The following KCNH3 variants were observed in gnomAD, a reference collection of about 807,000 sequenced individuals.
The protein encoded by KCNH3 is voltage-gated inwardly rectifying potassium channel KCNH3.
KCNH3 carries 36 observed loss-of-function variants against 95.6 expected under a neutral mutation model. The observed-to-expected ratio is 0.38, with a 90% CI of 0.29 to 0.50. The LOEUF is 0.50. KCNH3 is among the 20% of genes least tolerant of loss of function. The probability of loss-of-function intolerance (pLI) is 0.95; values close to 1 mark genes in which losing one functional copy is unlikely to be tolerated. For synonymous variants in KCNH3, 620 were observed against 646.3 expected (o/e 0.96, Z 0.62); for missense variants, 1,030 against 1,484.1 (o/e 0.69, Z 5.03).
chr12:49,556,167 G>C (rs1161500432), intron 12 of KCNH3: 3 of 599,152 alleles, frequency 5.0e-6, no homozygotes, highest in Admixed American at 3.0e-5. Flanking sequence ...CTGAACTCTT[G>C]CATCTCATGC....
chr12:49,541,809 G>GC, intron 3 of KCNH3, 45 bp downstream of exon 3: 1 of 1,605,956 alleles, frequency 6.2e-7, no homozygotes, highest in South Asian at 1.1e-5. Context: ...GGTGCCGCAG[G>GC]CCCGGGCGGG....
rs190279071 is a variant in KCNH3, at chr12:49,557,936, G to A, written c.3235G>A (p.Glu1079Lys). ...TGGCACAGTCCAGTGGACCCAGGAA[G>A]AAGGCACAGGGGTCTGAGTACCAGC... ...GSGTVQWTQE[E>K]GTGV Residue 1079 changes from glutamate to lysine, a missense_variant, in exon 15 of 15, where the codon GAA (glutamate) becomes AAA (lysine). This residue lies in a region of KCNH3 where 464 missense variants were observed against 493.2 expected (regional missense o/e 0.94). Coordinates refer to ENST00000257981, the MANE Select transcript of KCNH3 (RefSeq NM_012284.3). 128 of 1,507,506 alleles carry A rather than the reference G, an allele frequency of 8.5e-5. No homozygotes were observed. The highest frequency in any genetic ancestry group is 1.1e-4 in the Non-Finnish European group (125 of 1,128,020). 93.4% of individuals were successfully genotyped at this position (1,507,506 alleles called of 1,614,324 possible).
chr12:49,554,161 G>A (rs1041509130), intron 10 of KCNH3, among the ~76,000 whole-genome samples, 176 bp from the exon 11 acceptor site: 2 of 152,226 alleles, frequency 1.3e-5, no homozygotes, highest in Non-Finnish European at 2.9e-5. Flanking sequence ...AGTGAGACAG[G>A]CTGCAGGCGT....
rs371069327 is a variant in KCNH3, at chr12:49,557,441, A to G, written c.2740A>G (p.Arg914Gly). ...QAVQLVLAPH[R>G]EGPCPRASGE... ...TGTGCAGCTTGTCCTGGCGCCCCACAGGGAGGGTCCGTGCCCTCGGGCATC... is the reference window on the plus strand; with the variant it reads ...TGTGCAGCTTGTCCTGGCGCCCCACGGGGAGGGTCCGTGCCCTCGGGCATC... Residue 914 changes from arginine (R) to glycine (G), a missense_variant, in exon 15 of 15, where the codon AGG (arginine) becomes GGG (glycine). Transcript: ENST00000257981. 1.2e-5 allele frequency: 20 copies of G among 1,608,300 alleles called. 1 individual carries two copies.
intron 10 of KCNH3, among the ~76,000 whole-genome samples, chr12:49,552,805 G>A (rs1471540931): frequency 6.6e-6 from 1 of 152,102 alleles, no homozygotes; most frequent in Non-Finnish European, 1.5e-5. Flanking sequence ...TTCAGATGAC[G>A]CCAATGAAAA....
chr12:49,552,509 G>A (rs758610989), intron 10 of KCNH3, among the ~76,000 whole-genome samples: 3 of 152,154 alleles, frequency 2.0e-5, no homozygotes, highest in East Asian at 1.9e-4. Context: ...AATCATGGTC[G>A]GGTTCTCTGC....
intron 7 of KCNH3, among the ~76,000 whole-genome samples, chr12:49,546,629 C>CA (rs1026807280): frequency 6.6e-6 from 1 of 152,212 alleles, no homozygotes; most frequent in African/African-American, 2.4e-5. Context: ...GGAGAGAACT[C>CA]AGAGCACTCC....
rs1310926373 is a variant in KCNH3, at chr12:49,549,365, G to C, written c.1469-76G>C. 3.2e-6 allele frequency: 5 copies of C among 1,549,998 alleles called. No individual in the cohort carries two copies. The African/African-American group carries it at 6.8e-5, about 21-fold the overall frequency. On this transcript the variant is annotated intron_variant, in intron 8 of 14. Coordinates refer to ENST00000257981, the MANE Select transcript of KCNH3 (RefSeq NM_012284.3). ...GGCCTTGCCTAGGAGCGTGCGGGCC[G>C]AGGACAGATGAGCCCAGCGTGGTGT...
At chr12:49,551,574 C>CAAAAAAAAAAAA (rs59344956) in intron 10 of KCNH3, among the ~76,000 whole-genome samples, 1 of 57,558 alleles carries the variant, frequency 1.7e-5, no homozygotes, top group East Asian at 5.8e-4. Context: ...GACTCTGTCT[C>CAAAAAAAAAAAA]AAAAAAAAAA....
chr12:49,546,494 C>G (rs1938066695), intron 7 of KCNH3, among the ~76,000 whole-genome samples: 1 of 152,148 alleles, frequency 6.6e-6, no homozygotes, highest in Non-Finnish European at 1.5e-5. Context: ...GCAGCTCCTT[C>G]TCCAAGCTTC....
chr12:49,543,163 C>G (rs1314298291), intron 4 of KCNH3, 112 bp from the exon 5 acceptor site: 2 of 1,205,306 alleles, frequency 1.7e-6, no homozygotes, highest in Non-Finnish European at 2.3e-6. Flanking sequence ...GCAGATGCTG[C>G]TTCGATAATG....
intron 5 of KCNH3, 149 bp from the exon 6 acceptor site, chr12:49,543,766 T>A: frequency 8.8e-7 from 1 of 1,139,392 alleles, no homozygotes; most frequent in Non-Finnish European, 1.2e-6. Flanking sequence ...GGCAAAATGA[T>A]GTCTACCTGT....
chr12:49,547,173 A>G (rs1244592106), intron 7 of KCNH3, among the ~76,000 whole-genome samples: 1 of 152,128 alleles, frequency 6.6e-6, no homozygotes, highest in Non-Finnish European at 1.5e-5. Context: ...GATTACATGC[A>G]TGAGCCACTG....
chr12:49,550,042 C>G, intron 9 of KCNH3, 38 bp from the exon 10 acceptor site: 1 of 1,480,066 alleles, frequency 6.8e-7, no homozygotes, highest in Non-Finnish European at 9.2e-7. Context: ...TCTTCTGCCA[C>G]TCCCAACCCC....
chr12:49,542,950 C>T, intron 4 of KCNH3, 111 bp downstream of exon 4: 1 of 1,383,270 alleles, frequency 7.2e-7, no homozygotes, highest in Non-Finnish European at 9.7e-7. Context: ...CCAGGCCTTG[C>T]CAGCACTTTG....
chr12:49,543,565 G>A (rs1398049238), intron 5 of KCNH3, 47 bp downstream of exon 5: 1 of 1,570,938 alleles, frequency 6.4e-7, no homozygotes, highest in Admixed American at 1.7e-5. Flanking sequence ...TGGCGCCCTG[G>A]GGCTTTGCTG....
In KCNH3 at chr12:49,557,370, A is replaced by G. The variant is rs1343699612; in HGVS notation, c.2669A>G (p.Glu890Gly). 6 of 1,604,436 alleles carry G rather than the reference A, an allele frequency of 3.7e-6. 1 individual carries two copies. In the South Asian group the frequency reaches 6.6e-5, roughly 18 times the overall value. The part of the protein sequence containing the change: ...KLRQAVTELS[E>G]QVLQMREGLQ... ...CCCCCAAAGGTGACAGAGCTGTCAG[A>G]GCAGGTGCTGCAGATGCGGGAAGGA... is the stretch of plus-strand genomic sequence containing the variant. Residue 890 changes from glutamate to glycine, a missense_variant, in exon 15 of 15, where the codon GAG becomes GGG. Glu to Gly is a moderately conservative substitution (Grantham distance 98, BLOSUM62 -2). Around this residue, in one of 9 missense-constraint regions of KCNH3, gnomAD observed 464 missense variants for 493.2 expected, o/e 0.94. Coordinates refer to ENST00000257981, the MANE Select transcript of KCNH3 (RefSeq NM_012284.3).
chr12:49,549,943 A>C (rs1315210501), intron 9 of KCNH3, 137 bp from the exon 10 acceptor site: 1 of 921,018 alleles, frequency 1.1e-6, no homozygotes, highest in Non-Finnish European at 1.6e-6. Flanking sequence ...TGGAGCTTGG[A>C]GTTGTGAGAG....
Position 49,554,444 on chromosome 12 carries a change from G to A in KCNH3, c.2026G>A (p.Ala676Thr). Reference protein sequence around the residue: ...TYCVLQCLQLAGLHDSLALYP... With the variant: ...TYCVLQCLQLTGLHDSLALYP... Reference sequence around the variant, plus strand: ...CTGCGTCCTGCAGTGTCTGCAGCTGGCTGGCCTGCACGACAGCCTTGCGCT... The same window carrying A: ...CTGCGTCCTGCAGTGTCTGCAGCTGACTGGCCTGCACGACAGCCTTGCGCT... The change falls in exon 11 of 15, where the codon GCT becomes ACT. Residue 676 changes from alanine (A) to threonine (T), a missense_variant. By Grantham distance (58) the Ala-to-Thr change is moderately conservative. Around this residue, in one of 9 missense-constraint regions of KCNH3, gnomAD observed 160 missense variants for 316.2 expected, o/e 0.51. Coordinates refer to ENST00000257981, the MANE Select transcript of KCNH3 (RefSeq NM_012284.3). 6.2e-7 allele frequency: 1 copy of A among 1,613,292 alleles called. No individual in the cohort carries two copies. The highest frequency in any genetic ancestry group is 2.2e-5 in the East Asian group (1 of 44,890).
Sources: gnomAD v4.1 joint callset for allele counts (sites outside exome capture counted in the v4.1 genomes callset) on GRCh38, gnomAD v4.1.1 for gene constraint, gnomAD v4.1.1 regional missense constraint, MANE v1.5 for transcripts, NCBI Gene and HGNC (gene_info 2026-07-23, HGNC 2026-07-21) for gene names.